LRRIQ1: variants seen among roughly 807,000 people sequenced by gnomAD.
LRRIQ1 encodes leucine rich repeats and IQ motif containing 1, also known as leucine-rich repeat- and IQ domain-containing protein 1.
LRRIQ1 carries 210 observed loss-of-function variants against 211.9 expected under a neutral mutation model. That is an observed-to-expected ratio of 0.99 (90% CI 0.89 to 1.11). The LOEUF (loss-of-function observed/expected upper bound fraction) is 1.11. Among genes scored for constraint, LRRIQ1 ranks in the 50% most tolerant of loss-of-function variants. LRRIQ1 has a pLI of 0.00. For missense variants in LRRIQ1, 2,136 were observed against 1,939.5 expected, an observed-to-expected ratio of 1.10 and a Z score of -1.90; for synonymous variants, 699 against 650.1, an observed-to-expected ratio of 1.08 and a Z score of -1.14.
rs1185354231 is a variant in LRRIQ1, at chr12:85,098,203, A to C, written c.2888-152A>C. 1.4e-5 allele frequency: 8 copies of C among 555,696 alleles called. No individual in the cohort carries two copies. The East Asian group carries it at 2.2e-4, about 15-fold the overall frequency. 34.4% of individuals were successfully genotyped at this position (555,696 alleles called of 1,614,324 possible). A position where few individuals can be genotyped will look rare whatever the true frequency, so the allele number is the denominator to read the frequency against. On this transcript the variant is annotated intron_variant, in intron 11 of 26. Coordinates refer to ENST00000393217, the MANE Select transcript of LRRIQ1 (RefSeq NM_001079910.2). ...TAAATAATAACACAGTTTACAAGAT[A>C]TGTTTCACCAGGAATTTGGACTAAG... is the stretch of plus-strand genomic sequence containing the variant.
At chr12:85,266,465 A>G (rs1409171351), downstream of LRRIQ1, among the ~76,000 whole-genome samples, 1 of 152,092 alleles carries the variant, frequency 6.6e-6, no homozygotes, top group Non-Finnish European at 1.5e-5. Flanking sequence ...CCTGACAACC[A>G]CTCACACTTC....
chr12:85,036,807 T>C (rs2135838936), intron 1 of LRRIQ1, among the ~76,000 whole-genome samples: 1 of 152,052 alleles, frequency 6.6e-6, no homozygotes, highest in East Asian at 1.9e-4. Flanking sequence ...TCTCTCCCCT[T>C]TCTTTACAGG....
chr12:85,068,994 G>T (rs1412989899), intron 10 of LRRIQ1, among the ~76,000 whole-genome samples: 1 of 151,086 alleles, frequency 6.6e-6, no homozygotes, highest in South Asian at 2.1e-4. Flanking sequence ...CAACGTGCAG[G>T]TTTGTTACAT....
intron 10 of LRRIQ1, among the ~76,000 whole-genome samples, chr12:85,069,907 G>A (rs1882895081): frequency 6.6e-6 from 1 of 151,946 alleles, no homozygotes; most frequent in South Asian, 2.1e-4. Flanking sequence ...CACTCTGATG[G>A]TAGTTTCTTT....
intron 24 of LRRIQ1, among the ~76,000 whole-genome samples, chr12:85,174,554 T>C (rs1408031987): frequency 1.4e-5 from 2 of 143,010 alleles, no homozygotes; most frequent in South Asian, 2.2e-4. Context: ...AAAAAAAAAA[T>C]AGCTGGGCAT....
chr12:85,060,815 C>T (rs984844866), intron 8 of LRRIQ1, among the ~76,000 whole-genome samples: 1 of 151,746 alleles, frequency 6.6e-6, no homozygotes, highest in African/African-American at 2.4e-5. Context: ...AGATGACTGA[C>T]ACTTCTTAGG....
chr12:85,211,779 T>A (rs1470327079), intron 24 of LRRIQ1, among the ~76,000 whole-genome samples: 1 of 152,300 alleles, frequency 6.6e-6, no homozygotes. Flanking sequence ...ATACCCCAAG[T>A]TATATTAAAC....
intron 11 of LRRIQ1, among the ~76,000 whole-genome samples, chr12:85,084,702 G>A (rs1035297516): frequency 3.4e-4 from 51 of 152,074 alleles, no homozygotes; most frequent in African/African-American, 1.2e-3. Context: ...GAGGGAGGCA[G>A]ATCACCTGAC....
chr12:85,216,884 C>T (rs1223243058), intron 24 of LRRIQ1, among the ~76,000 whole-genome samples: 1 of 151,842 alleles, frequency 6.6e-6, no homozygotes, highest in Non-Finnish European at 1.5e-5. Flanking sequence ...AAAACTTTGG[C>T]ATTAATAAAG....
At chr12:85,232,546 C>T in intron 25 of LRRIQ1, 150 bp from the exon 26 acceptor site, 1 of 657,356 alleles carries the variant, frequency 1.5e-6, no homozygotes, top group South Asian at 1.8e-5. Context: ...TACATTTGTA[C>T]TTATTTTTAC....
At chr12:85,131,833 G>A (rs1191410742) in intron 18 of LRRIQ1, among the ~76,000 whole-genome samples, 1 of 152,118 alleles carries the variant, frequency 6.6e-6, no homozygotes, top group Non-Finnish European at 1.5e-5. Context: ...ATATGAGAAA[G>A]AGAGATGAGT....
intron 24 of LRRIQ1, among the ~76,000 whole-genome samples, chr12:85,208,077 G>A (rs1048846836): frequency 2.0e-5 from 3 of 150,412 alleles, no homozygotes; most frequent in South Asian, 2.1e-4. Context: ...ATATATTAAC[G>A]TGTACAGTGT....
intron 23 of LRRIQ1, 146 bp downstream of exon 23, chr12:85,154,240 A>G (rs1890418293): frequency 2.6e-6 from 1 of 388,302 alleles, no homozygotes; most frequent in Admixed American, 4.6e-5. Flanking sequence ...AAAAAATAAA[A>G]CTTAAGAGAA....
At chr12:85,164,501 T>G (rs533588930) in intron 24 of LRRIQ1, among the ~76,000 whole-genome samples, 1 of 152,210 alleles carries the variant, frequency 6.6e-6, no homozygotes, top group African/African-American at 2.4e-5. Context: ...ACATATTAAG[T>G]GCTCAAAATG....
chr12:85,073,008 C>G lies in LRRIQ1; in HGVS notation c.2797C>G (p.Pro933Ala), dbSNP rs1329941913. 6.2e-7 allele frequency: 1 copy of G among 1,612,746 alleles called. No homozygotes were observed. Among genetic ancestry groups the G allele is most frequent in the Admixed American group, 1.7e-5 (1 of 59,850 alleles). The change falls in exon 11 of 27, where the codon CCA becomes GCA. Residue 933 changes from proline (P) to alanine (A), a missense_variant. Coordinates refer to ENST00000393217, the MANE Select transcript of LRRIQ1 (RefSeq NM_001079910.2). The part of the protein sequence containing the change: ...SYLSLAQVWI[P>A]TGLCWSWIPI... ...CTTATCCCTGGCACAAGTCTGGATTCCAACTGGATTATGTTGGTCCTGGAT... is the reference window on the plus strand; with the variant it reads ...CTTATCCCTGGCACAAGTCTGGATTGCAACTGGATTATGTTGGTCCTGGAT...
At chr12:85,262,377 C>T (rs1369667164) in intron 1 of LRRIQ1, among the ~76,000 whole-genome samples, 1 of 151,978 alleles carries the variant, frequency 6.6e-6, no homozygotes. Flanking sequence ...TGTTACCTGT[C>T]CAGAGTCACA....
chr12:85,174,281 G>T (rs190186194), intron 24 of LRRIQ1, among the ~76,000 whole-genome samples: 3 of 151,968 alleles, frequency 2.0e-5, no homozygotes, highest in Non-Finnish European at 4.4e-5. Flanking sequence ...AAAAAACTTG[G>T]CAGAAGATAT....
At chr12:85,156,689 G>A (rs562633142) in intron 23 of LRRIQ1, among the ~76,000 whole-genome samples, 91 of 151,788 alleles carry the variant, frequency 6.0e-4, no homozygotes, top group Middle Eastern at 3.4e-3. Context: ...AGATTTACTA[G>A]CAGTTTTTAA....
In LRRIQ1 at chr12:85,212,329, G is replaced by GA. The variant is rs907540463; in HGVS notation, c.4823-17180dup. On this transcript the variant is annotated intron_variant, in intron 24 of 26. Transcript: ENST00000393217. ...AACACCACAAGAAAAGAAAAGAAAA[G>GA]AAAAAAAACAGGGAAACTAAATAGT... 6.6e-5 allele frequency among the ~76,000 whole-genome samples: 10 copies of GA among 151,094 alleles called. 1 individual carries two copies. Among genetic ancestry groups the GA allele is most frequent in the South Asian group, 2.1e-4 (1 of 4,792 alleles).
Sources: allele counts gnomAD v4.1 joint callset (sites outside exome capture counted in the v4.1 genomes callset), GRCh38; gene constraint gnomAD v4.1.1; transcripts MANE v1.5; gene names NCBI Gene and HGNC (gene_info 2026-07-23, HGNC 2026-07-21).